HAPLN1: variants seen among roughly 807,000 people sequenced by gnomAD.
HAPLN1 encodes hyaluronan and proteoglycan link protein 1.
A neutral mutation model predicts 36.5 loss-of-function variants in HAPLN1; 13 were observed. The ratio of observed to expected loss-of-function variants is 0.36; its 90% CI spans 0.23 to 0.57. The LOEUF (loss-of-function observed/expected upper bound fraction) is 0.57. Among genes scored for constraint, HAPLN1 ranks in the 20% least tolerant of loss-of-function variants. The pLI is 0.83. For missense variants in HAPLN1, 407 were observed against 439.7 expected (o/e 0.93, Z 0.66); for synonymous variants, 202 against 169.8 (o/e 1.19, Z -1.48).
At chr5:83,702,937 C>G (rs535510803) in intron 1 of HAPLN1, among the ~76,000 whole-genome samples, 114 of 152,290 alleles carry the variant, frequency 7.5e-4, no homozygotes, top group African/African-American at 2.7e-3. Flanking sequence ...GTCTTGAACT[C>G]TTGACCTCAA....
intron 3 of HAPLN1, among the ~76,000 whole-genome samples, chr5:83,649,309 G>C (rs529121543): frequency 3.3e-5 from 5 of 152,218 alleles, no homozygotes; most frequent in Non-Finnish European, 5.9e-5. Flanking sequence ...AATGCTGTCG[G>C]TGGTATCTGT....
intron 3 of HAPLN1, among the ~76,000 whole-genome samples, chr5:83,649,186 T>C (rs1749973264): frequency 6.6e-6 from 1 of 152,214 alleles, no homozygotes; most frequent in Non-Finnish European, 1.5e-5. Flanking sequence ...GATATATGGA[T>C]TCATTACACT....
chr5:83,691,416 A>G (rs1356803365), intron 1 of HAPLN1, among the ~76,000 whole-genome samples: 1 of 152,060 alleles, frequency 6.6e-6, no homozygotes, highest in African/African-American at 2.4e-5. Flanking sequence ...GTCTTCACCC[A>G]GCACTGGAAT....
intron 3 of HAPLN1, among the ~76,000 whole-genome samples, chr5:83,647,745 T>C (rs964149652): frequency 6.6e-6 from 1 of 152,192 alleles, no homozygotes; most frequent in Non-Finnish European, 1.5e-5. Context: ...TCCATACTTA[T>C]ATGTCAAAAT....
chr5:83,643,923 C>G (rs539506857), intron 4 of HAPLN1, among the ~76,000 whole-genome samples: 3 of 152,190 alleles, frequency 2.0e-5, no homozygotes, highest in African/African-American at 7.2e-5. Context: ...TGCTTACTCC[C>G]CACTTTGTCC....
chr5:83,682,951 A>G (rs976603003), intron 1 of HAPLN1, among the ~76,000 whole-genome samples: 1 of 152,160 alleles, frequency 6.6e-6, no homozygotes, highest in African/African-American at 2.4e-5. Context: ...TCATTTAATC[A>G]ACTTTCTTTA....
intron 2 of HAPLN1, among the ~76,000 whole-genome samples, chr5:83,661,552 G>C (rs336972): frequency 1.1e-3 from 153 of 138,024 alleles, no homozygotes; most frequent in African/African-American, 3.5e-3. Flanking sequence ...TCACGCCATT[G>C]TCCTGCCTCA....
intron 1 of HAPLN1, among the ~76,000 whole-genome samples, chr5:83,691,025 G>T (rs1408554245): frequency 6.6e-6 from 1 of 151,902 alleles, no homozygotes; most frequent in Non-Finnish European, 1.5e-5. Flanking sequence ...AAAAGATAAT[G>T]GACAAAATAC....
intron 1 of HAPLN1, among the ~76,000 whole-genome samples, chr5:83,678,220 G>GGTGGGTGT (rs1554049530): frequency 7.0e-6 from 1 of 142,536 alleles, no homozygotes; most frequent in Non-Finnish European, 1.6e-5. Flanking sequence ...CTATAGTTTG[G>GGTGGGTGT]GTGTGTGTGT....
intron 1 of HAPLN1, among the ~76,000 whole-genome samples, chr5:83,679,689 A>G (rs1330635179): frequency 2.0e-5 from 3 of 152,230 alleles, no homozygotes; most frequent in Admixed American, 6.5e-5. Context: ...TAACATGTAA[A>G]TTGGAGCTAT....
chr5:83,672,090 A>G (rs1750742158), intron 2 of HAPLN1, among the ~76,000 whole-genome samples: 1 of 152,178 alleles, frequency 6.6e-6, no homozygotes, highest in Admixed American at 6.5e-5. Flanking sequence ...TTTTCATTAA[A>G]TGGTTTGTAC....
At chr5:83,671,812 C>A (rs902993444) in intron 2 of HAPLN1, among the ~76,000 whole-genome samples, 1 of 152,210 alleles carries the variant, frequency 6.6e-6, no homozygotes, top group African/African-American at 2.4e-5. Context: ...GGCAAGCCTG[C>A]ACTTTCTAAG....
chr5:83,639,539 C>T lies in HAPLN1; in HGVS notation c.*1957G>A, dbSNP rs998499441. The T allele has an allele frequency of 1.3e-5, 2 of 152,018 alleles. No individual in the cohort carries two copies. The highest frequency in any genetic ancestry group is 2.9e-5 in the Non-Finnish European group (2 of 67,920). 9.4% of individuals were successfully genotyped at this position (152,018 alleles called of 1,614,324 possible). Reference sequence around the variant, plus strand: ...TACATAATAATAGTTCAAGTATGGACTTCTTTCAATGAGCTAGCCCCCATA... The same window carrying T: ...TACATAATAATAGTTCAAGTATGGATTTCTTTCAATGAGCTAGCCCCCATA... On this transcript the variant is annotated 3_prime_UTR_variant, in exon 5 of 5. Coordinates refer to ENST00000274341, the MANE Select transcript of HAPLN1 (RefSeq NM_001884.4).
In HAPLN1 at chr5:83,638,906, T is replaced by C. The variant is rs1199860887; in HGVS notation, c.*2590A>G. On this transcript the variant is annotated 3_prime_UTR_variant, in exon 5 of 5. Coordinates refer to ENST00000274341, the MANE Select transcript of HAPLN1 (RefSeq NM_001884.4). ...GATGTCTCAGTGAAATGTGCAGATATACTTTGTTCCTTATATGGTCACCAG... is the reference window on the plus strand; with the variant it reads ...GATGTCTCAGTGAAATGTGCAGATACACTTTGTTCCTTATATGGTCACCAG... The C allele has an allele frequency of 1.3e-5, 2 of 152,040 alleles. No individual in the cohort carries two copies. Among genetic ancestry groups the C allele is most frequent in the African/African-American group, 2.4e-5 (1 of 41,442 alleles). 9.4% of individuals were successfully genotyped at this position (152,040 alleles called of 1,614,324 possible).
At chr5:83,670,236 G>A (rs540115339) in intron 2 of HAPLN1, among the ~76,000 whole-genome samples, 1 of 152,224 alleles carries the variant, frequency 6.6e-6, no homozygotes, top group Admixed American at 6.5e-5. Flanking sequence ...GATACTCCAT[G>A]TAAAACTCTT....
At chr5:83,718,298 A>G (rs139200203) in intron 1 of HAPLN1, among the ~76,000 whole-genome samples, 1 of 152,164 alleles carries the variant, frequency 6.6e-6, no homozygotes, top group Admixed American at 6.5e-5. Context: ...CACCTATCCC[A>G]ATGTCTGGCG....
At chr5:83,643,943 T>A (rs1749777123) in intron 4 of HAPLN1, among the ~76,000 whole-genome samples, 1 of 152,204 alleles carries the variant, frequency 6.6e-6, no homozygotes, top group Non-Finnish European at 1.5e-5. Context: ...CTGAGCTCTG[T>A]TGATCACCTA....
intron 1 of HAPLN1, among the ~76,000 whole-genome samples, chr5:83,710,869 C>G (rs943874375): frequency 6.6e-6 from 1 of 151,726 alleles, no homozygotes; most frequent in Non-Finnish European, 1.5e-5. Flanking sequence ...GAAAACTGCT[C>G]GAGCCCACGA....
intron 2 of HAPLN1, among the ~76,000 whole-genome samples, chr5:83,669,505 A>G (rs1750643679): frequency 6.6e-6 from 1 of 152,184 alleles, no homozygotes; most frequent in Non-Finnish European, 1.5e-5. Flanking sequence ...TCTCAAAAAT[A>G]AATAAATAAA....
Sources: gnomAD v4.1 joint callset for allele counts (sites outside exome capture counted in the v4.1 genomes callset) on GRCh38, gnomAD v4.1.1 for gene constraint, MANE v1.5 for transcripts, NCBI Gene and HGNC (gene_info 2026-07-23, HGNC 2026-07-21) for gene names.